Variants in ASAP1 observed in about 807,000 individuals in gnomAD.
ASAP1 encodes the protein arf-GAP with SH3 domain, ANK repeat and PH domain-containing protein 1.
A neutral mutation model predicts 145.2 loss-of-function variants in ASAP1; 43 were observed. The observed-to-expected ratio is 0.30, with a 90% CI of 0.23 to 0.38. ASAP1 has a LOEUF of 0.38. Among genes scored for constraint, ASAP1 ranks in the 10% least tolerant of loss-of-function variants. ASAP1 has a pLI of 1.00. For synonymous variants in ASAP1, 546 were observed against 515.5 expected (o/e 1.06, Z -0.80); for missense variants, 1,018 against 1,355.3 (o/e 0.75, Z 3.91).
chr8:130,214,513 G>T, intron 5 of ASAP1, 43 bp downstream of exon 5: 1 of 1,529,196 alleles, frequency 6.5e-7, no homozygotes, highest in Non-Finnish European at 8.9e-7. Context: ...GTAATATTTT[G>T]GAAAGGCTGT....
chr8:130,258,910 C>T (rs565613879), intron 3 of ASAP1, among the ~76,000 whole-genome samples: 1 of 152,326 alleles, frequency 6.6e-6, no homozygotes, highest in East Asian at 1.9e-4. Context: ...GCCTTCCCTA[C>T]TCCTCTCCTC....
chr8:130,309,536 A>G (rs1480887177), intron 3 of ASAP1, among the ~76,000 whole-genome samples: 2 of 152,202 alleles, frequency 1.3e-5, no homozygotes, highest in African/African-American at 4.8e-5. Flanking sequence ...AGGCAAGATA[A>G]GCAGTGAGGC....
intron 7 of ASAP1, among the ~76,000 whole-genome samples, chr8:130,184,348 A>AATACTG (rs1814571412): frequency 6.6e-6 from 1 of 152,228 alleles, no homozygotes. Context: ...AGAGCAAGAA[A>AATACTG]ATACTGAGGA....
At chr8:130,381,006 C>T (rs1469325707) in intron 2 of ASAP1, among the ~76,000 whole-genome samples, 1 of 152,176 alleles carries the variant, frequency 6.6e-6, no homozygotes, top group Non-Finnish European at 1.5e-5. Flanking sequence ...ACTTCAGCCT[C>T]CCAGGTAGCT....
chr8:130,105,383 G>T (rs1490068979), intron 24 of ASAP1, among the ~76,000 whole-genome samples: 1 of 152,164 alleles, frequency 6.6e-6, no homozygotes, highest in Non-Finnish European at 1.5e-5. Context: ...GAGCATTCCT[G>T]GAGTTTTGGC....
At chr8:130,074,130 G>A (rs1375179748) in intron 27 of ASAP1, among the ~76,000 whole-genome samples, 3 of 151,802 alleles carry the variant, frequency 2.0e-5, no homozygotes, top group Non-Finnish European at 4.4e-5. Context: ...AAAAAAAGGG[G>A]GCAATTGTGA....
intron 12 of ASAP1, among the ~76,000 whole-genome samples, chr8:130,157,644 C>T (rs2097660639): frequency 6.6e-6 from 1 of 152,180 alleles, no homozygotes; most frequent in Admixed American, 6.5e-5. Context: ...GACCTTATCT[C>T]CTATGACCTC....
chr8:130,231,890 G>T (rs982951211), intron 4 of ASAP1, among the ~76,000 whole-genome samples: 2 of 152,192 alleles, frequency 1.3e-5, no homozygotes, highest in African/African-American at 4.8e-5. Flanking sequence ...GCTTCCAAGG[G>T]AAAGCCAGCC....
At chr8:130,245,765 G>A (rs796613076) in intron 3 of ASAP1, among the ~76,000 whole-genome samples, 10 of 152,284 alleles carry the variant, frequency 6.6e-5, no homozygotes, top group South Asian at 4.1e-4. Flanking sequence ...AATTAAAGCT[G>A]TACAGAAGAA....
At chr8:130,300,184 A>AGAGAGAGAGAGAGAGCGAGCGAGC (rs761456724) in intron 3 of ASAP1, among the ~76,000 whole-genome samples, 1 of 140,288 alleles carries the variant, frequency 7.1e-6, no homozygotes, top group African/African-American at 2.8e-5. Context: ...AGAGAGAGAG[A>AGAGAGAGAGAGAGAGCGAGCGAGC]GAGCGAGCGA....
At chr8:130,264,363 G>C (rs1283700729) in intron 3 of ASAP1, among the ~76,000 whole-genome samples, 1 of 152,170 alleles carries the variant, frequency 6.6e-6, no homozygotes, top group Non-Finnish European at 1.5e-5. Flanking sequence ...TGTCCAGATG[G>C]ACACGACTCT....
intron 5 of ASAP1, among the ~76,000 whole-genome samples, chr8:130,188,898 G>A (rs937925937): frequency 6.6e-6 from 1 of 152,068 alleles, no homozygotes; most frequent in African/African-American, 2.4e-5. Flanking sequence ...CTCTTACGGT[G>A]AATTTTCTTC....
Position 130,248,994 on chromosome 8 carries a change from G to T in ASAP1, c.187-12000C>A, listed in dbSNP as rs1023347773. On this transcript the variant is annotated intron_variant, in intron 3 of 29. Coordinates refer to ENST00000518721, the MANE Select transcript of ASAP1 (RefSeq NM_018482.4). ...TAATAGGCTAGATTCGAACCCTTGG[G>T]CTCAAGGGATCCTCCTGCCTCAGCT... is the stretch of plus-strand genomic sequence containing the variant. Among the ~76,000 whole-genome samples the T allele has an allele frequency of 5.3e-5, 8 of 152,066 alleles. 1 individual carries two copies. The South Asian group carries it at 1.7e-3, about 31-fold the overall frequency.
intron 3 of ASAP1, among the ~76,000 whole-genome samples, chr8:130,273,372 A>T (rs938549061): frequency 3.3e-5 from 5 of 152,178 alleles, no homozygotes; most frequent in African/African-American, 1.2e-4. Context: ...AGGCAGGGTC[A>T]CGCCTGCTTC....
chr8:130,372,847 A>G (rs559637551), intron 2 of ASAP1, among the ~76,000 whole-genome samples: 72 of 152,082 alleles, frequency 4.7e-4, no homozygotes, highest in African/African-American at 1.7e-3. Context: ...TTTTTACCCC[A>G]CTCTTTCCTT....
intron 4 of ASAP1, 142 bp from the exon 5 acceptor site, chr8:130,214,843 G>C: frequency 4.6e-6 from 3 of 649,650 alleles, no homozygotes; most frequent in Non-Finnish European, 5.0e-6. Flanking sequence ...CCAAAGGTTA[G>C]GTTAGGAGTA....
intron 24 of ASAP1, among the ~76,000 whole-genome samples, chr8:130,102,554 TTTC>T (rs1317175918): frequency 6.6e-6 from 1 of 152,220 alleles, no homozygotes; most frequent in Non-Finnish European, 1.5e-5. Context: ...GGCTGGTAGT[TTTC>T]TTTTTTTGTT....
In ASAP1 at chr8:130,412,194, T is replaced by C. The variant is rs138004460; in HGVS notation, c.-27-10224A>G. Among the ~76,000 whole-genome samples the C allele has an allele frequency of 2.8e-3, 422 of 152,300 alleles. 1 individual carries two copies. Among genetic ancestry groups the C allele is most frequent in the African/African-American group, 9.6e-3 (399 of 41,562 alleles). ...TTAATAGAATAAATAACAACAGGTCTGATAGAGTTTGGATCTGTGTCCCAG... is the reference window on the plus strand; with the variant it reads ...TTAATAGAATAAATAACAACAGGTCCGATAGAGTTTGGATCTGTGTCCCAG... On this transcript the variant is annotated intron_variant, in intron 1 of 29. Transcript: ENST00000518721.
At chr8:130,071,087 T>C (rs2097445524) in intron 27 of ASAP1, among the ~76,000 whole-genome samples, 1 of 143,400 alleles carries the variant, frequency 7.0e-6, no homozygotes, top group African/African-American at 2.6e-5. Context: ...AAAAAAGTAT[T>C]TTTTCTCCCC....
Sources: gnomAD v4.1 joint callset for allele counts (sites outside exome capture counted in the v4.1 genomes callset) on GRCh38, gnomAD v4.1.1 for gene constraint, MANE v1.5 for transcripts, NCBI Gene and HGNC (gene_info 2026-07-23, HGNC 2026-07-21) for gene names.